USP15: variants seen among roughly 807,000 people sequenced by gnomAD.
USP15 encodes ubiquitin carboxyl-terminal hydrolase 15.
Under a neutral mutation model 127.1 loss-of-function variants are expected in USP15, and 18 were observed. That is an observed-to-expected ratio of 0.14 (90% CI 0.10 to 0.21). USP15 has a LOEUF of 0.21. Ranked by LOEUF, USP15 falls within the 10% of genes least tolerant of loss-of-function variation. The probability of loss-of-function intolerance (pLI) is 1.00; values close to 1 mark genes in which losing one functional copy is unlikely to be tolerated. For synonymous variants in USP15, 364 were observed against 393.7 expected, an observed-to-expected ratio of 0.92 and a Z score of 0.89; for missense variants, 805 against 1,159.9, an observed-to-expected ratio of 0.69 and a Z score of 4.44.
chr12:62,279,817 GC>G (rs2063599195), intron 1 of USP15, among the ~76,000 whole-genome samples: 1 of 152,084 alleles, frequency 6.6e-6, no homozygotes, highest in African/African-American at 2.4e-5. Flanking sequence ...GATCTGTTGT[GC>G]CAGTACCTTT....
intron 6 of USP15, among the ~76,000 whole-genome samples, chr12:62,333,267 G>T (rs889681378): frequency 2.6e-5 from 4 of 151,936 alleles, no homozygotes; most frequent in South Asian, 2.1e-4. Context: ...TCTATAATTT[G>T]TTGTTGTTGT....
At chr12:62,347,790 C>T (rs561939029) in intron 6 of USP15, among the ~76,000 whole-genome samples, 4 of 152,134 alleles carry the variant, frequency 2.6e-5, no homozygotes, top group South Asian at 4.1e-4. Context: ...CAGAAGGGTA[C>T]GTAACTAGAA....
intron 6 of USP15, among the ~76,000 whole-genome samples, chr12:62,345,195 A>C (rs192714388): frequency 1.5e-4 from 23 of 152,214 alleles, no homozygotes; most frequent in Non-Finnish European, 2.9e-4. Context: ...GCAGCACCCA[A>C]GTCACATCCT....
chr12:62,271,592 T>C (rs1017368088), intron 1 of USP15, among the ~76,000 whole-genome samples: 2 of 152,012 alleles, frequency 1.3e-5, no homozygotes, highest in Admixed American at 6.6e-5. Flanking sequence ...ATACCAAACC[T>C]AATTCTCCCG....
At chr12:62,380,260 T>C in intron 8 of USP15, among the ~76,000 whole-genome samples, 1 of 151,932 alleles carries the variant, frequency 6.6e-6, no homozygotes, top group Middle Eastern at 3.4e-3. Flanking sequence ...AAATAGATAT[T>C]ATTGACTACT....
intron 8 of USP15, among the ~76,000 whole-genome samples, chr12:62,378,560 A>G (rs1395721343): frequency 1.3e-5 from 2 of 152,198 alleles, no homozygotes; most frequent in African/African-American, 4.8e-5. Flanking sequence ...ATTTGTTAAC[A>G]TTGAATTATA....
chr12:62,374,782 G>C (rs2066771922), intron 8 of USP15, among the ~76,000 whole-genome samples: 1 of 152,034 alleles, frequency 6.6e-6, no homozygotes, highest in Non-Finnish European at 1.5e-5. Flanking sequence ...ATACTTAGTA[G>C]AAGTACTTTC....
At chr12:62,320,655 T>G (rs190944674) in intron 4 of USP15, among the ~76,000 whole-genome samples, 205 of 152,288 alleles carry the variant, frequency 1.3e-3, no homozygotes, top group African/African-American at 4.7e-3. Flanking sequence ...ACAAGACTAT[T>G]ACAAAACATT....
chr12:62,284,544 CTG>C (rs1379731950), intron 1 of USP15, among the ~76,000 whole-genome samples: 6 of 152,146 alleles, frequency 3.9e-5, no homozygotes, highest in South Asian at 2.1e-4. Flanking sequence ...TCGGACGTAA[CTG>C]TGGGTTTTTG....
intron 7 of USP15, among the ~76,000 whole-genome samples, chr12:62,352,831 C>CA (rs10541315): frequency 3.3e-5 from 5 of 151,472 alleles, no homozygotes; most frequent in East Asian, 3.9e-4. Flanking sequence ...TTCAATTTCA[C>CA]AAAAAAAAAG....
chr12:62,262,483 T>C (rs2063095828), intron 1 of USP15, among the ~76,000 whole-genome samples: 1 of 152,152 alleles, frequency 6.6e-6, no homozygotes, highest in South Asian at 2.1e-4. Flanking sequence ...AAAATATAAG[T>C]GTTATTGTCT....
intron 1 of USP15, among the ~76,000 whole-genome samples, chr12:62,261,737 C>G (rs927839655): frequency 1.3e-5 from 2 of 152,072 alleles, no homozygotes; most frequent in Non-Finnish European, 2.9e-5. Context: ...CTCTTTACTC[C>G]TGACAAAAGG....
chr12:62,396,106 A>G (rs1053892736), intron 19 of USP15, among the ~76,000 whole-genome samples, 189 bp from the exon 20 acceptor site: 1 of 152,000 alleles, frequency 6.6e-6, no homozygotes, highest in Non-Finnish European at 1.5e-5. Context: ...AGGTACATGT[A>G]TGATTTGTTT....
intron 2 of USP15, chr12:62,294,766 G>A (rs1228312230): frequency 6.4e-6 from 1 of 156,296 alleles, no homozygotes; most frequent in Non-Finnish European, 1.4e-5. Context: ...TTAAATTTTT[G>A]CATTAGCTTT....
In USP15 at chr12:62,393,187, T is replaced by C. The variant is rs1329501641; in HGVS notation, c.2555T>C (p.Val852Ala). Residue 852 changes from valine to alanine, a missense_variant, in exon 19 of 22, where the codon GTT becomes GCT. Transcript: ENST00000280377. ...RYMRDKLDTL[V>A]DFPINDLDMS... ...ATGAGAGACAAGTTGGATACCTTAG[T>C]TGATTTTCCTATCAAGTAAGCTTTA... 1 of 1,612,236 alleles carries C rather than the reference T, an allele frequency of 6.2e-7. No individual in the cohort carries two copies.
In USP15 at chr12:62,294,173, T is replaced by G; in HGVS notation, c.90-6T>G. On this transcript the variant is annotated splice_polypyrimidine_tract_variant and splice_region_variant and intron_variant, in intron 1 of 21. Coordinates refer to ENST00000280377, the MANE Select transcript of USP15 (RefSeq NM_001252078.2). ...TTTTCCTTAACCAATTTCTTTTATT[T>G]TTTAGGTACCTAGTCGATAGTCGCT... 3.1e-6 allele frequency: 5 copies of G among 1,609,998 alleles called. No homozygotes were observed. Among genetic ancestry groups the G allele is most frequent in the Non-Finnish European group, 4.2e-6 (5 of 1,178,858 alleles).
At chr12:62,348,032 GTC>G (rs978288193) in intron 6 of USP15, among the ~76,000 whole-genome samples, 1 of 151,956 alleles carries the variant, frequency 6.6e-6, no homozygotes, top group African/African-American at 2.4e-5. Context: ...TGAGATCTCT[GTC>G]TCTGCAAAAA....
At chr12:62,312,372 A>T (rs929111423) in intron 3 of USP15, 1 of 202,070 alleles carries the variant, frequency 4.9e-6, no homozygotes, top group African/African-American at 2.4e-5. Context: ...AGGTTTATTT[A>T]ATATGTTTAA....
chr12:62,381,758 A>G (rs1592704711), intron 9 of USP15, 95 bp downstream of exon 9: 9 of 1,284,752 alleles, frequency 7.0e-6, no homozygotes, highest in East Asian at 2.4e-5. Flanking sequence ...AGCTATTACA[A>G]TGGTTTGTGG....
Sources: gnomAD v4.1 joint callset for allele counts (sites outside exome capture counted in the v4.1 genomes callset) on GRCh38, gnomAD v4.1.1 for gene constraint, MANE v1.5 for transcripts, NCBI Gene and HGNC (gene_info 2026-07-23, HGNC 2026-07-21) for gene names.